ZNF721: variants seen among roughly 807,000 people sequenced by gnomAD.
ZNF721 encodes the protein zinc finger protein 721.
In ZNF721, 2 loss-of-function variants were observed where a neutral mutation model predicts 2.4. The ratio of observed to expected loss-of-function variants is 0.82; its 90% CI spans 0.34 to 2.58. ZNF721 has a LOEUF of 2.58. ZNF721 is among the 30% of genes most tolerant of loss of function. ZNF721 has a pLI of 0.11. For missense variants in ZNF721, 1,187 were observed against 1,085.5 expected, an observed-to-expected ratio of 1.09 and a Z score of -1.31; for synonymous variants, 398 against 381.8, an observed-to-expected ratio of 1.04 and a Z score of -0.50.
At chr4:466,005 T>C (rs1430502982) in intron 2 of ZNF721, among the ~76,000 whole-genome samples, 1 of 150,518 alleles carries the variant, frequency 6.6e-6, no homozygotes, top group Non-Finnish European at 1.5e-5. Context: ...TTTTCTTTTT[T>C]TTTTTTTTTG....
chr4:459,121 C>A (rs889634969), intron 2 of ZNF721, among the ~76,000 whole-genome samples: 1 of 152,118 alleles, frequency 6.6e-6, no homozygotes, highest in African/African-American at 2.4e-5. Flanking sequence ...ATTGTCACCA[C>A]CAGGCCTGCC....
At chr4:470,596 C>G (rs1198083525) in intron 2 of ZNF721, among the ~76,000 whole-genome samples, 2 of 152,088 alleles carry the variant, frequency 1.3e-5, no homozygotes, top group African/African-American at 4.8e-5. Context: ...GCCTGTAATT[C>G]CCAGCTACTT....
At chr4:491,099 G>A (rs1375417669) in intron 1 of ZNF721, among the ~76,000 whole-genome samples, 1 of 152,126 alleles carries the variant, frequency 6.6e-6, no homozygotes, top group African/African-American at 2.4e-5. Context: ...ACTGACACGT[G>A]CATCCTTACT....
rs369596095 is a variant in ZNF721 at position 444,040 on chromosome 4, C to T, written c.427G>A (p.Gly143Ser). The T allele has an allele frequency of 2.5e-6, 4 of 1,613,668 alleles. No individual in the cohort carries two copies. The highest frequency in any genetic ancestry group is 3.4e-6 in the Non-Finnish European group (4 of 1,179,746). ...TCTGTGTACCATCCAAAGTCTTTGC[C>T]ACGTTCTTCACAAGTGTAGGGTTTC... ...GEKPYTCEER[G>S]KDFGWYTDLN... The change falls in exon 3 of 3, where the codon GGC becomes AGC. Residue 143 changes from glycine (G) to serine (S), a missense_variant. Physicochemically the swap from Gly to Ser is moderately conservative, Grantham distance 56 (BLOSUM62 0). Transcript: ENST00000511833.
chr4:479,336 T>C (rs1715716337), intron 1 of ZNF721, among the ~76,000 whole-genome samples: 1 of 152,084 alleles, frequency 6.6e-6, no homozygotes, highest in South Asian at 2.1e-4. Flanking sequence ...ACCCATGACA[T>C]CATGCACGTG....
In ZNF721 at chr4:443,950, C is replaced by T. The variant is rs1366081121; in HGVS notation, c.517G>A (p.Ala173Thr). Residue 173 changes from alanine to threonine, a missense_variant, in exon 3 of 3, where the codon GCC becomes ACC. Ala to Thr is a moderately conservative substitution (Grantham distance 58). Transcript: ENST00000511833. ...KPYKCEECGK[A>T]FNRSTNLTAH... ...GTAAGGTTTGTTGACCTATTAAAGG[C>T]TTTGCCACATTCTTCACATTTGTAA... 1.9e-6 allele frequency: 3 copies of T among 1,613,964 alleles called. No homozygotes were observed. Among genetic ancestry groups the T allele is most frequent in the African/African-American group, 1.3e-5 (1 of 74,910 alleles).
chr4:443,388 G>C lies in ZNF721; in HGVS notation c.1079C>G (p.Pro360Arg). The C allele has an allele frequency of 6.2e-7, 1 of 1,614,072 alleles. No homozygotes were observed. The change falls in exon 3 of 3, where the codon CCT (proline) becomes CGT (arginine). Residue 360 changes from proline (P) to arginine (R), a missense_variant. By Grantham distance (103) the Pro-to-Arg change is moderately radical (BLOSUM62 -2). Transcript: ENST00000511833. ...TTTGCCACAGTCTTCGCATTTGTAA[G>C]GTTTCTCTCCAGTATGAATTCTCCT... The part of the protein sequence containing the change: ...VHRRIHTGEK[P>R]YKCEDCGKAF...
chr4:460,017 C>T (rs1349786619), intron 2 of ZNF721, among the ~76,000 whole-genome samples: 4 of 152,166 alleles, frequency 2.6e-5, no homozygotes, highest in African/African-American at 9.7e-5. Context: ...TAACACCCCA[C>T]TGTCAATATT....
intron 1 of ZNF721, among the ~76,000 whole-genome samples, chr4:498,013 T>C (rs1223658355): frequency 5.9e-4 from 89 of 151,764 alleles, no homozygotes; most frequent in East Asian, 1.4e-3. Context: ...AAGAACAGCC[T>C]GACCAACATG....
Position 442,826 on chromosome 4 carries a change from A to G in ZNF721, c.1641T>C (p.His547=). 6.2e-7 allele frequency: 1 copy of G among 1,613,772 alleles called. No individual in the cohort carries two copies. The highest frequency in any genetic ancestry group is 1.7e-5 in the Admixed American group (1 of 59,962). Residue 547 remains histidine, a synonymous_variant, in exon 3 of 3, where the codon CAT becomes CAC. Transcript: ENST00000511833. ...GTTTCTCTCCAGTATGAATTCTCCT[A>G]TGTACATAAAGGATTGCGGACTGTC... ...AFRQSAILYV[H]RRIHTGEKPY...
intron 1 of ZNF721, 81 bp from the exon 2 acceptor site, chr4:472,782 GTGACTGACTGGGATTA>G: frequency 1.3e-6 from 2 of 1,561,570 alleles, no homozygotes. Flanking sequence ...GTTCTGACAT[GTGACTGACTGGGATTA>G]TCTGATAAAA....
rs2108687226 is a variant in ZNF721, at chr4:442,270, A to C, written c.2197T>G (p.Ser733Ala). The C allele has an allele frequency of 1.2e-6, 2 of 1,612,844 alleles. No homozygotes were observed. The highest frequency in any genetic ancestry group is 1.7e-6 in the Non-Finnish European group (2 of 1,179,314). Residue 733 changes from serine to alanine, a missense_variant, in exon 3 of 3, where the codon TCC (serine) becomes GCC (alanine). By Grantham distance (99) the Ser-to-Ala change is moderately conservative (BLOSUM62 1). Transcript: ENST00000511833. ...KPYKCEDRGRSFGWSTNLNEY... is the reference protein window; with the variant it reads ...KPYKCEDRGRAFGWSTNLNEY... ...TTCAGGTTTGTGGACCATCCAAAGGATCTGCCACGATCTTCACATTTGTAG... is the reference window on the plus strand; with the variant it reads ...TTCAGGTTTGTGGACCATCCAAAGGCTCTGCCACGATCTTCACATTTGTAG...
intron 1 of ZNF721, among the ~76,000 whole-genome samples, chr4:478,067 C>T (rs1715678599): frequency 6.6e-6 from 1 of 152,194 alleles, no homozygotes; most frequent in Non-Finnish European, 1.5e-5. Flanking sequence ...ATAATAAAAA[C>T]TGCAACACGG....
chr4:456,299 AC>A (rs1160164223), intron 2 of ZNF721, among the ~76,000 whole-genome samples: 1 of 151,960 alleles, frequency 6.6e-6, no homozygotes, highest in African/African-American at 2.4e-5. Flanking sequence ...TGAACTCCTG[AC>A]CTCAGGTGAT....
At chr4:490,931 C>A (rs1374683743) in intron 1 of ZNF721, among the ~76,000 whole-genome samples, 2 of 146,652 alleles carry the variant, frequency 1.4e-5, no homozygotes, top group East Asian at 4.1e-4. Context: ...TCTAGCCTGG[C>A]AGGCAGTGCG....
At chr4:484,445 C>T (rs151188521) in intron 1 of ZNF721, among the ~76,000 whole-genome samples, 28 of 152,284 alleles carry the variant, frequency 1.8e-4, no homozygotes, top group Non-Finnish European at 2.8e-4. Flanking sequence ...ACCGGTGAGC[C>T]GGGCGGAACA....
chr4:469,510 T>C (rs775046429), intron 2 of ZNF721, among the ~76,000 whole-genome samples: 26 of 152,206 alleles, frequency 1.7e-4, no homozygotes, highest in Non-Finnish European at 2.5e-4. Context: ...TCGAAAGTGA[T>C]TTGTAGATTC....
intron 1 of ZNF721, among the ~76,000 whole-genome samples, chr4:498,016 C>T (rs1282639549): frequency 4.6e-5 from 7 of 151,674 alleles, no homozygotes; most frequent in Non-Finnish European, 8.8e-5. Context: ...AACAGCCTGA[C>T]CAACATGGTG....
intron 2 of ZNF721, among the ~76,000 whole-genome samples, chr4:450,952 AAAAAATATAT>A (rs1390990543): frequency 1.4e-4 from 6 of 42,060 alleles, no homozygotes; most frequent in African/African-American, 4.8e-4. Flanking sequence ...AAAAAAAAAA[AAAAAATATAT>A]ATATATATAT....
Sources: allele counts gnomAD v4.1 joint callset (sites outside exome capture counted in the v4.1 genomes callset), GRCh38; gene constraint gnomAD v4.1.1; transcripts MANE v1.5; gene names NCBI Gene and HGNC (gene_info 2026-07-23, HGNC 2026-07-21).